Variants in OR5AS1 observed in about 807,000 individuals in gnomAD.
The protein encoded by OR5AS1 is olfactory receptor 5AS1.
For missense variants in OR5AS1, 492 were observed against 378.2 expected, an observed-to-expected ratio of 1.30 and a Z score of -2.50; for synonymous variants, 196 against 141.7, an observed-to-expected ratio of 1.38 and a Z score of -2.72.
Position 56,030,551 on chromosome 11 carries a change from TTAA to T in OR5AS1, c.138_140del (p.Ile47del). The T allele has an allele frequency of 6.4e-7, 1 of 1,556,578 alleles. No homozygotes were observed. The highest frequency in any genetic ancestry group is 8.7e-7 in the Non-Finnish European group (1 of 1,148,908). ...ATTAACTATGGTCGGAAATATACTC[TTAA>T]TAATTCTAGTTAATATTAATTCAAG... On this transcript the variant is annotated inframe_deletion, in exon 2 of 2. Coordinates refer to ENST00000641320, the MANE Select transcript of OR5AS1 (RefSeq NM_001001921.2).
At position 56,032,135 on chromosome 11, in the gene OR5AS1, A is replaced by G. The variant is rs1192594422; in HGVS notation, c.*742A>G. 1.3e-5 allele frequency: 2 copies of G among 152,172 alleles called. No homozygotes were observed. The highest frequency in any genetic ancestry group is 4.8e-5 in the African/African-American group (2 of 41,414). 9.4% of individuals were successfully genotyped at this position (152,172 alleles called of 1,614,324 possible). The stretch of plus-strand genomic sequence containing the variant: ...ATTATTATTAAGTCAGAATGAAGAT[A>G]CATCACATTGTCTTTGGGCTAAGTT... On this transcript the variant is annotated 3_prime_UTR_variant, in exon 2 of 2. Transcript: ENST00000641320.
At chr11:56,028,362 G>T (rs1463072167) in intron 1 of OR5AS1, among the ~76,000 whole-genome samples, 1 of 151,894 alleles carries the variant, frequency 6.6e-6, no homozygotes, top group Non-Finnish European at 1.5e-5. Context: ...ATTATATTTG[G>T]ACCTGAGGTT....
rs899192884 is a variant in OR5AS1 at position 56,031,711 on chromosome 11, G to A, written c.*318G>A. 1 of 192,330 alleles carries A rather than the reference G, an allele frequency of 5.2e-6. No homozygotes were observed. The highest frequency in any genetic ancestry group is 1.3e-4 in the East Asian group (1 of 7,558). The allele number at this position is 192,330 out of a possible 1,614,324, so 11.9% of individuals were successfully genotyped here. ...CGGTATTAGAAGCTACTTGGCAGCA[G>A]AGCATGTGTATATTGGCTTGTTTTT... On this transcript the variant is annotated 3_prime_UTR_variant, in exon 2 of 2. Coordinates refer to ENST00000641320, the MANE Select transcript of OR5AS1 (RefSeq NM_001001921.2).
chr11:56,037,667 T>C lies in OR5AS1; in HGVS notation c.*6274T>C, dbSNP rs984866703. The C allele has an allele frequency of 9.2e-5, 14 of 151,812 alleles. No homozygotes were observed. The highest frequency in any genetic ancestry group is 7.2e-4 in the Admixed American group (11 of 15,236). 9.4% of individuals were successfully genotyped at this position (151,812 alleles called of 1,614,324 possible). Reference sequence around the variant, plus strand: ...TCATGGATATGAAGAATCAATATCATGAAAATGGCCATCTACTGCCCTAAG... The same window carrying C: ...TCATGGATATGAAGAATCAATATCACGAAAATGGCCATCTACTGCCCTAAG... On this transcript the variant is annotated 3_prime_UTR_variant, in exon 2 of 2. Transcript: ENST00000641320.
chr11:56,028,307 A>G lies in OR5AS1; in HGVS notation c.-29+595A>G, dbSNP rs1565025319. On this transcript the variant is annotated intron_variant, in intron 1 of 1. Coordinates refer to ENST00000641320, the MANE Select transcript of OR5AS1 (RefSeq NM_001001921.2). Reference sequence around the variant, plus strand: ...TAATATATTATTATGCTAATTAAATATAACAAATAATTTAGGCATAGAGAA... The same window carrying G: ...TAATATATTATTATGCTAATTAAATGTAACAAATAATTTAGGCATAGAGAA... 2.0e-5 allele frequency among the ~76,000 whole-genome samples: 3 copies of G among 152,170 alleles called. No individual in the cohort carries two copies. In the South Asian group the frequency reaches 6.2e-4, roughly 32 times the overall value.
chr11:56,029,969 A>C (rs79164844), intron 1 of OR5AS1, among the ~76,000 whole-genome samples: 1 of 152,040 alleles, frequency 6.6e-6, no homozygotes. Context: ...TTAAATATGG[A>C]CATTCTTTCA....
rs191622593 is a variant in OR5AS1, at chr11:56,036,477, A to G, written c.*5084A>G. 6.6e-6 allele frequency: 1 copy of G among 152,220 alleles called. No individual in the cohort carries two copies. The highest frequency in any genetic ancestry group is 2.4e-5 in the African/African-American group (1 of 41,502). The allele number at this position is 152,220 out of a possible 1,614,324, so 9.4% of individuals were successfully genotyped here. ...CACCACTGTTCCCACAGAAATACAA[A>G]CTACCATCAGAGAATACTATAAACA... On this transcript the variant is annotated 3_prime_UTR_variant, in exon 2 of 2. Coordinates refer to ENST00000641320, the MANE Select transcript of OR5AS1 (RefSeq NM_001001921.2).
At chr11:56,028,721 G>C (rs1853319227) in intron 1 of OR5AS1, among the ~76,000 whole-genome samples, 2 of 151,944 alleles carry the variant, frequency 1.3e-5, no homozygotes, top group Admixed American at 6.6e-5. Flanking sequence ...TTTTGTAGTT[G>C]TCATGGGACT....
In OR5AS1 at chr11:56,037,596, C is replaced by G. The variant is rs999351068; in HGVS notation, c.*6203C>G. 1.3e-5 allele frequency: 2 copies of G among 151,802 alleles called. No homozygotes were observed. Among genetic ancestry groups the G allele is most frequent in the African/African-American group, 4.8e-5 (2 of 41,286 alleles). 9.4% of individuals were successfully genotyped at this position (151,802 alleles called of 1,614,324 possible). A position where few individuals can be genotyped will look rare whatever the true frequency, so the allele number is the denominator to read the frequency against. On this transcript the variant is annotated 3_prime_UTR_variant, in exon 2 of 2. Transcript: ENST00000641320. ...TCAAGGAGAACTACAAATTAGTGCT[C>G]AAGGAAATAAGAGAGGACACAAACA... is the stretch of plus-strand genomic sequence containing the variant.
Position 56,029,411 on chromosome 11 carries a change from C to G in OR5AS1, c.-28-980C>G, listed in dbSNP as rs541275917. ...CAAAACATACTAATGTTTCTGGAAC[C>G]TCACACCAAACAGTGCTTACTTCAG... On this transcript the variant is annotated intron_variant, in intron 1 of 1. Coordinates refer to ENST00000641320, the MANE Select transcript of OR5AS1 (RefSeq NM_001001921.2). Among the ~76,000 whole-genome samples, 6 of 152,026 alleles carry G rather than the reference C, an allele frequency of 3.9e-5. No individual in the cohort carries two copies. In the South Asian group the frequency reaches 1.2e-3, roughly 32 times the overall value.
rs76468487 is a variant in OR5AS1, at chr11:56,037,788, C to A, written c.*6395C>A. The stretch of plus-strand genomic sequence containing the variant: ...AAACTACTTTAAATTTCATGTGGAA[C>A]CAGAAAACAGCCCATGTAGCCCAGG... On this transcript the variant is annotated 3_prime_UTR_variant, in exon 2 of 2. Transcript: ENST00000641320. 1 of 151,600 alleles carries A rather than the reference C, an allele frequency of 6.6e-6. No individual in the cohort carries two copies. The highest frequency in any genetic ancestry group is 6.6e-5 in the Admixed American group (1 of 15,202). 9.4% of individuals were successfully genotyped at this position (151,600 alleles called of 1,614,324 possible).
intron 1 of OR5AS1, among the ~76,000 whole-genome samples, chr11:56,028,419 G>A (rs1190752871): frequency 1.3e-5 from 2 of 152,056 alleles, no homozygotes; most frequent in East Asian, 3.8e-4. Context: ...CTTAAGCTCA[G>A]CACAATGCCA....
chr11:56,031,752 G>GAGATCTA lies in OR5AS1; in HGVS notation c.*359_*360insAGATCTA. 3 of 169,432 alleles carry GAGATCTA rather than the reference G, an allele frequency of 1.8e-5. No homozygotes were observed. The highest frequency in any genetic ancestry group is 1.5e-4 in the South Asian group (1 of 6,730). 10.5% of individuals were successfully genotyped at this position (169,432 alleles called of 1,614,324 possible). On this transcript the variant is annotated 3_prime_UTR_variant, in exon 2 of 2. Transcript: ENST00000641320. ...GCTTGTTTTTTCCACCACCTGTTTG[G>GAGATCTA]CACCTGGTATACTGCATGTCTTCCT...
rs573979416 is a variant in OR5AS1, at chr11:56,036,547, T to C, written c.*5154T>C. 1 of 152,026 alleles carries C rather than the reference T, an allele frequency of 6.6e-6. No individual in the cohort carries two copies. The highest frequency in any genetic ancestry group is 6.5e-5 in the Admixed American group (1 of 15,272). 9.4% of individuals were successfully genotyped at this position (152,026 alleles called of 1,614,324 possible). ...GAAAACCTGGAAGAAATGGTTAAAT[T>C]CCTGGAAACACACACCCTCCCAAGT... On this transcript the variant is annotated 3_prime_UTR_variant, in exon 2 of 2. Coordinates refer to ENST00000641320, the MANE Select transcript of OR5AS1 (RefSeq NM_001001921.2).
rs1191707997 is a variant in OR5AS1, at chr11:56,035,710, G to A, written c.*4317G>A. 6.6e-6 allele frequency: 1 copy of A among 152,130 alleles called. No individual in the cohort carries two copies. The highest frequency in any genetic ancestry group is 2.4e-5 in the African/African-American group (1 of 41,414). The allele number at this position is 152,130 out of a possible 1,614,324, so 9.4% of individuals were successfully genotyped here. A position where few individuals can be genotyped will look rare whatever the true frequency, so the allele number is the denominator to read the frequency against. On this transcript the variant is annotated 3_prime_UTR_variant, in exon 2 of 2. Transcript: ENST00000641320. ...TAGTGGGAGACTTTAACACCCCACAGTCAACATTAGACAGACCAAGACAGA... is the reference window on the plus strand; with the variant it reads ...TAGTGGGAGACTTTAACACCCCACAATCAACATTAGACAGACCAAGACAGA...
chr11:56,028,762 A>G (rs1271425961), intron 1 of OR5AS1, among the ~76,000 whole-genome samples: 3 of 152,060 alleles, frequency 2.0e-5, no homozygotes, highest in Non-Finnish European at 4.4e-5. Context: ...TTGATCCCAT[A>G]ACTTGTTTTT....
rs1565028178 is a variant in OR5AS1, at chr11:56,036,430, TA to T, written c.*5043del. 1.3e-5 allele frequency: 2 copies of T among 151,722 alleles called. No individual in the cohort carries two copies. The highest frequency in any genetic ancestry group is 1.9e-4 in the East Asian group (1 of 5,176). The allele number at this position is 151,722 out of a possible 1,614,324, so 9.4% of individuals were successfully genotyped here. On this transcript the variant is annotated 3_prime_UTR_variant, in exon 2 of 2. Transcript: ENST00000641320. The stretch of plus-strand genomic sequence containing the variant: ...AGAGAGAAGAATCAAATAGACACAA[TA>T]AAAAATTATAAAGGGGATATCACCA...
rs543016910 is a variant in OR5AS1, at chr11:56,029,380, G to A, written c.-28-1011G>A. Among the ~76,000 whole-genome samples, 7 of 151,246 alleles carry A rather than the reference G, an allele frequency of 4.6e-5. No homozygotes were observed. In the East Asian group the frequency reaches 1.4e-3, roughly 29 times the overall value. ...GTTTAGAAGTCCAATCGCATATGCA[G>A]CCCTTCAAAACATACTAATGTTTCT... On this transcript the variant is annotated intron_variant, in intron 1 of 1. Transcript: ENST00000641320.
Position 56,034,532 on chromosome 11 carries a change from T to G in OR5AS1, c.*3139T>G, listed in dbSNP as rs55698759. 1.3e-5 allele frequency: 2 copies of G among 151,744 alleles called. No individual in the cohort carries two copies. The highest frequency in any genetic ancestry group is 4.9e-5 in the African/African-American group (2 of 41,226). 9.4% of individuals were successfully genotyped at this position (151,744 alleles called of 1,614,324 possible). On this transcript the variant is annotated 3_prime_UTR_variant, in exon 2 of 2. Coordinates refer to ENST00000641320, the MANE Select transcript of OR5AS1 (RefSeq NM_001001921.2). ...TATCAGAGATTGAAGATCAACTTAA[T>G]GAAATAAAGCTTGAAGACAAGATTA...
Sources: gnomAD v4.1 joint callset for allele counts (sites outside exome capture counted in the v4.1 genomes callset) on GRCh38, gnomAD v4.1.1 for gene constraint, MANE v1.5 for transcripts, NCBI Gene and HGNC (gene_info 2026-07-23, HGNC 2026-07-21) for gene names.